SLC6A5: variants seen among roughly 807,000 people sequenced by gnomAD.
The protein encoded by SLC6A5 is solute carrier family 6 member 5, also known as sodium- and chloride-dependent glycine transporter 2.
SLC6A5 carries 58 observed loss-of-function variants against 90.5 expected under a neutral mutation model. The observed-to-expected ratio is 0.64, with a 90% CI of 0.52 to 0.80. The LOEUF (loss-of-function observed/expected upper bound fraction) is 0.80. SLC6A5 is among the 30% of genes least tolerant of loss of function. The probability of loss-of-function intolerance (pLI) is 0.00; values close to 1 mark genes in which losing one functional copy is unlikely to be tolerated. For synonymous variants in SLC6A5, 427 were observed against 401.4 expected (o/e 1.06, Z -0.76); for missense variants, 1,015 against 1,017.6 (o/e 1.00, Z 0.03).
Position 20,601,406 on chromosome 11 carries a change from T to C in SLC6A5, c.281T>C (p.Leu94Pro). The C allele has an allele frequency of 6.2e-7, 1 of 1,605,220 alleles. No individual in the cohort carries two copies. The highest frequency in any genetic ancestry group is 1.1e-5 in the South Asian group (1 of 89,862). Residue 94 changes from leucine (L) to proline (P), a missense_variant, in exon 2 of 16, where the codon CTG becomes CCG. By Grantham distance (98) the Leu-to-Pro change is moderately conservative. Transcript: ENST00000525748. The part of the protein sequence containing the change: ...SPRAQAASAA[L>P]RDLREAQGAQ... ...CGGGCGCAGGCGGCCTCTGCAGCTC[T>C]GCGGGACTTGAGAGAGGCGCAAGGC...
chr11:20,651,232 CT>C (rs1360604656), intron 14 of SLC6A5, among the ~76,000 whole-genome samples: 1 of 128,010 alleles, frequency 7.8e-6, no homozygotes, highest in African/African-American at 3.0e-5. Flanking sequence ...CCCCCCACCC[CT>C]CTTGCCCTCT....
intron 2 of SLC6A5, among the ~76,000 whole-genome samples, chr11:20,602,570 C>G (rs1472085977): frequency 1.3e-5 from 2 of 152,138 alleles, no homozygotes; most frequent in Non-Finnish European, 2.9e-5. Flanking sequence ...CTGCTATTTC[C>G]TCTCCTTTCC....
At chr11:20,610,487 C>T (rs1354386813) in intron 5 of SLC6A5, among the ~76,000 whole-genome samples, 1 of 152,170 alleles carries the variant, frequency 6.6e-6, no homozygotes, top group Non-Finnish European at 1.5e-5. Context: ...ACTTGGGAAT[C>T]GAGAGATTTG....
At position 20,646,395 on chromosome 11, in the gene SLC6A5, G is replaced by A. The variant is rs139147341; in HGVS notation, c.1970-439G>A. On this transcript the variant is annotated intron_variant, in intron 13 of 15. Transcript: ENST00000525748. ...TTTGGGAGGGTGGGGGATAAAAGCC[G>A]GTGTGCAATGATTTTCTCTCTAAAT... 3.2e-3 allele frequency among the ~76,000 whole-genome samples: 483 copies of A among 152,224 alleles called. 3 individuals are homozygous for A. The highest frequency in any genetic ancestry group is 0.011 in the African/African-American group (437 of 41,524).
intron 4 of SLC6A5, 59 bp from the exon 5 acceptor site, chr11:20,607,420 C>G (rs1179549372): frequency 6.2e-7 from 1 of 1,600,006 alleles, no homozygotes; most frequent in African/African-American, 1.3e-5. Flanking sequence ...CTATGCCCAA[C>G]TCTAAGAATT....
Position 20,601,351 on chromosome 11 carries a change from G to C in SLC6A5, c.226G>C (p.Gly76Arg). 10 of 1,600,574 alleles carry C rather than the reference G, an allele frequency of 6.2e-6. No homozygotes were observed. The highest frequency in any genetic ancestry group is 8.5e-6 in the Non-Finnish European group (10 of 1,175,842). ...DARACEAERP[G>R]VGSCKLSSPR... is the part of the protein sequence containing the mutation. ...GCGAGCCTGCGAGGCTGAGCGGCCAGGAGTGGGGTCTTGCAAACTCAGTAG... is the reference window on the plus strand; with the variant it reads ...GCGAGCCTGCGAGGCTGAGCGGCCACGAGTGGGGTCTTGCAAACTCAGTAG... The change falls in exon 2 of 16, where the codon GGA becomes CGA. Residue 76 changes from glycine (G) to arginine (R), a missense_variant. By Grantham distance (125) the Gly-to-Arg change is moderately radical (BLOSUM62 -2). Transcript: ENST00000525748.
rs774095713 is a variant in SLC6A5, at chr11:20,654,836, G to A, written c.2362G>A (p.Val788Met). The change falls in exon 16 of 16, where the codon GTG (valine) becomes ATG (methionine). Residue 788 changes from valine (V) to methionine (M), a missense_variant. Val to Met is a conservative substitution (Grantham distance 21, BLOSUM62 1). Coordinates refer to ENST00000525748, the MANE Select transcript of SLC6A5 (RefSeq NM_004211.5). ...CTCTTCCTTGGGACTCAAACTGCCA[G>A]TGAAGGATTTGGAACTGGGCACTCA... ...GTSSLGLKLP[V>M]KDLELGTQC 27 of 1,614,080 alleles carry A rather than the reference G, an allele frequency of 1.7e-5. No individual in the cohort carries two copies. The Admixed American group carries it at 4.3e-4, about 26-fold the overall frequency.
chr11:20,646,934 CG>C lies in SLC6A5; in HGVS notation c.2070+1del. 2 of 1,603,912 alleles carry C rather than the reference CG, an allele frequency of 1.2e-6. No individual in the cohort carries two copies. On this transcript the variant is annotated splice_donor_variant, in intron 14 of 15. Transcript: ENST00000525748. LOFTEE classifies it high-confidence loss of function. ...CATTTGTAACCCCAACCATTTTAACCGTAAGGATTTTGCATGTTTTCTTGTG... is the reference window on the plus strand; with the variant it reads ...CATTTGTAACCCCAACCATTTTAACCTAAGGATTTTGCATGTTTTCTTGTG...
intron 14 of SLC6A5, among the ~76,000 whole-genome samples, chr11:20,651,360 G>T (rs1473682803): frequency 1.3e-5 from 2 of 148,864 alleles, no homozygotes; most frequent in Admixed American, 6.7e-5. Context: ...TGCAGCCTCT[G>T]CCTCCCAGGT....
At position 20,616,908 on chromosome 11, in the gene SLC6A5, C is replaced by T. The variant is rs532790888; in HGVS notation, c.1128-844C>T. ...CCTACAGAGCCTGGATGCTGGCTTG[C>T]CTTTCCTTTAGATCACAGAAAAACG... On this transcript the variant is annotated intron_variant, in intron 6 of 15. Coordinates refer to ENST00000525748, the MANE Select transcript of SLC6A5 (RefSeq NM_004211.5). 5.3e-5 allele frequency among the ~76,000 whole-genome samples: 8 copies of T among 152,328 alleles called. No individual in the cohort carries two copies. In the East Asian group the frequency reaches 1.4e-3, roughly 26 times the overall value.
chr11:20,600,089 G>C (rs1187544994), intron 1 of SLC6A5, among the ~76,000 whole-genome samples: 2 of 152,114 alleles, frequency 1.3e-5, no homozygotes, highest in African/African-American at 4.8e-5. Context: ...GAGTGCGGTG[G>C]AGGCGAAGAT....
At chr11:20,619,216 G>T (rs1037417095) in intron 7 of SLC6A5, among the ~76,000 whole-genome samples, 1 of 152,160 alleles carries the variant, frequency 6.6e-6, no homozygotes, top group Non-Finnish European at 1.5e-5. Context: ...GAAAGGTTGG[G>T]TCTCATCGGG....
rs1036660040 is a variant in SLC6A5, at chr11:20,656,939, G to C, written c.*2071G>C. 1 of 152,214 alleles carries C rather than the reference G, an allele frequency of 6.6e-6. No homozygotes were observed. The highest frequency in any genetic ancestry group is 2.4e-5 in the African/African-American group (1 of 41,448). The allele number at this position is 152,214 out of a possible 1,614,324, so 9.4% of individuals were successfully genotyped here. The stretch of plus-strand genomic sequence containing the variant: ...GACGTCGCACAATGGTACCAAAAAT[G>C]AGCCTCTCCAGCTGATACCTGGTAG... On this transcript the variant is annotated 3_prime_UTR_variant, in exon 16 of 16. Coordinates refer to ENST00000525748, the MANE Select transcript of SLC6A5 (RefSeq NM_004211.5).
At chr11:20,651,110 C>T (rs1853522567) in intron 14 of SLC6A5, among the ~76,000 whole-genome samples, 3 of 152,056 alleles carry the variant, frequency 2.0e-5, no homozygotes, top group East Asian at 1.9e-4. Flanking sequence ...GAGGAAGCTC[C>T]GGGATGTGGG....
At chr11:20,614,607 T>C in intron 5 of SLC6A5, 72 bp from the exon 6 acceptor site, 1 of 1,466,288 alleles carries the variant, frequency 6.8e-7, no homozygotes, top group South Asian at 1.1e-5. Flanking sequence ...GTTTTTAAAC[T>C]GCTGCAGAGA....
At chr11:20,600,429 A>T (rs1370750816) in intron 1 of SLC6A5, among the ~76,000 whole-genome samples, 1 of 151,766 alleles carries the variant, frequency 6.6e-6, no homozygotes, top group Non-Finnish European at 1.5e-5. Flanking sequence ...CAAAAGAACA[A>T]AAAGCTTTGC....
At chr11:20,601,961 C>T (rs760422321) in intron 2 of SLC6A5, among the ~76,000 whole-genome samples, 21 of 152,240 alleles carry the variant, frequency 1.4e-4, no homozygotes, top group Non-Finnish European at 2.5e-4. Flanking sequence ...AGATAGATTC[C>T]ACCCTTTTAT....
chr11:20,637,594 C>T (rs1249790730), intron 12 of SLC6A5, among the ~76,000 whole-genome samples: 2 of 152,138 alleles, frequency 1.3e-5, no homozygotes, highest in Non-Finnish European at 2.9e-5. Context: ...TGTCTCTAGT[C>T]CCAGCTACTT....
chr11:20,635,950 A>C lies in SLC6A5; in HGVS notation c.1625-357A>C, dbSNP rs551234235. ...ACTGCTGGTTGAGTACTACTGCTGT[A>C]AAGGCTAATTAATTACATTTTCCTT... On this transcript the variant is annotated intron_variant, in intron 10 of 15. Transcript: ENST00000525748. Among the ~76,000 whole-genome samples the C allele has an allele frequency of 2.0e-3, 300 of 152,332 alleles. 1 individual carries two copies. Among genetic ancestry groups the C allele is most frequent in the Non-Finnish European group, 3.5e-3 (236 of 68,038 alleles).
Sources: allele counts gnomAD v4.1 joint callset (sites outside exome capture counted in the v4.1 genomes callset), GRCh38; gene constraint gnomAD v4.1.1; transcripts MANE v1.5; gene names NCBI Gene and HGNC (gene_info 2026-07-23, HGNC 2026-07-21).